The following TTC28 variants were observed in gnomAD, a reference collection of about 807,000 sequenced individuals.
TTC28 encodes the protein tetratricopeptide repeat domain 28, also known as tetratricopeptide repeat protein 28.
TTC28 carries 61 observed loss-of-function variants against 198.0 expected under a neutral mutation model. That is an observed-to-expected ratio of 0.31 (90% CI 0.25 to 0.38). The LOEUF (loss-of-function observed/expected upper bound fraction) is 0.38, where lower values mean the gene tolerates loss of function less well. TTC28 is among the 10% of genes least tolerant of loss of function. The pLI is 1.00. For synonymous variants in TTC28, 1,171 were observed against 1,297.8 expected (o/e 0.90, Z 2.10); for missense variants, 2,678 against 3,164.0 (o/e 0.85, Z 3.69).
At chr22:28,083,660 AG>A (rs1401769527) in intron 12 of TTC28, among the ~76,000 whole-genome samples, 4 of 152,210 alleles carry the variant, frequency 2.6e-5, no homozygotes, top group Non-Finnish European at 4.4e-5. Context: ...GCCAGACAGC[AG>A]GTGCAGGACA....
intron 2 of TTC28, among the ~76,000 whole-genome samples, chr22:28,449,983 A>C (rs944156802): frequency 1.3e-5 from 2 of 152,174 alleles, no homozygotes; most frequent in African/African-American, 4.8e-5. Flanking sequence ...AGATCACAGA[A>C]AAAAATGTTG....
intron 2 of TTC28, among the ~76,000 whole-genome samples, chr22:28,376,829 C>T (rs1534884): frequency 0.14 from 21,148 of 152,118 alleles, 1,830 homozygotes; most frequent in East Asian, 0.37. Flanking sequence ...CCCGACCTGA[C>T]GTCTTCAGCT....
At chr22:27,993,786 C>T (rs1937499649) in intron 17 of TTC28, among the ~76,000 whole-genome samples, 1 of 152,134 alleles carries the variant, frequency 6.6e-6, no homozygotes, top group African/African-American at 2.4e-5. Flanking sequence ...CAACCCCTTC[C>T]ACACTCTCCG....
chr22:28,654,666 T>C (rs2051616205), intron 1 of TTC28, among the ~76,000 whole-genome samples: 2 of 152,188 alleles, frequency 1.3e-5, no homozygotes, highest in Non-Finnish European at 2.9e-5. Flanking sequence ...TTTCTTTCCC[T>C]TCCCTCACTG....
At chr22:28,236,521 T>C (rs1211887163) in intron 5 of TTC28, among the ~76,000 whole-genome samples, 2 of 152,156 alleles carry the variant, frequency 1.3e-5, no homozygotes, top group African/African-American at 4.8e-5. Context: ...TGGTAATAGG[T>C]GGCATACAGT....
intron 2 of TTC28, among the ~76,000 whole-genome samples, chr22:28,460,652 TAGATAGATAGATAG>T (rs2047936632): frequency 8.2e-6 from 1 of 121,484 alleles, no homozygotes; most frequent in African/African-American, 3.1e-5. Context: ...GATAGATAGA[TAGATAGATAGATAG>T]ACAGACAGAC....
chr22:28,675,633 G>C (rs541162563), intron 1 of TTC28, among the ~76,000 whole-genome samples: 1 of 151,286 alleles, frequency 6.6e-6, no homozygotes, highest in Non-Finnish European at 1.5e-5. Context: ...ACCTGCTCAG[G>C]AGGCTCAGGT....
intron 2 of TTC28, among the ~76,000 whole-genome samples, chr22:28,540,725 T>C (rs2030075542): frequency 6.6e-6 from 1 of 152,210 alleles, no homozygotes; most frequent in African/African-American, 2.4e-5. Flanking sequence ...TTCAGTATCA[T>C]TTATAGATTA....
intron 2 of TTC28, among the ~76,000 whole-genome samples, chr22:28,518,633 A>C (rs1302357388): frequency 6.6e-6 from 1 of 152,206 alleles, no homozygotes; most frequent in Non-Finnish European, 1.5e-5. Flanking sequence ...GAATTACTAT[A>C]TAAGGCTAAA....
chr22:28,293,868 A>T (rs1004027279), intron 5 of TTC28, among the ~76,000 whole-genome samples: 2 of 152,186 alleles, frequency 1.3e-5, no homozygotes, highest in African/African-American at 2.4e-5. Flanking sequence ...AGCATGGGCT[A>T]AACAGGAGGA....
chr22:28,028,944 G>T (rs78301408), intron 13 of TTC28: 10,123 of 470,036 alleles, frequency 0.022, 137 homozygotes, highest in Non-Finnish European at 0.028. Context: ...CCTACAGCTT[G>T]TGAGTGGCAA....
chr22:28,572,215 C>T (rs947214885), intron 2 of TTC28, among the ~76,000 whole-genome samples: 4 of 150,468 alleles, frequency 2.7e-5, no homozygotes, highest in South Asian at 2.1e-4. Context: ...TGGTGGTGCA[C>T]GACAAAGTCC....
At chr22:28,347,523 G>T (rs185536750) in intron 2 of TTC28, among the ~76,000 whole-genome samples, 1 of 152,140 alleles carries the variant, frequency 6.6e-6, no homozygotes, top group Non-Finnish European at 1.5e-5. Context: ...AGATCACCGC[G>T]TTTACACCTA....
chr22:28,511,177 C>G (rs567069958), intron 2 of TTC28, among the ~76,000 whole-genome samples: 1 of 152,136 alleles, frequency 6.6e-6, no homozygotes, highest in South Asian at 2.1e-4. Flanking sequence ...CATATGGAAC[C>G]AAAAGGGAGC....
At chr22:28,376,951 C>G (rs185417678) in intron 2 of TTC28, among the ~76,000 whole-genome samples, 1 of 152,092 alleles carries the variant, frequency 6.6e-6, no homozygotes, top group East Asian at 1.9e-4. Context: ...GAATGGTCTT[C>G]TCACAAGCCA....
At chr22:28,600,379 C>T (rs943844392) in intron 2 of TTC28, among the ~76,000 whole-genome samples, 2 of 151,904 alleles carry the variant, frequency 1.3e-5, no homozygotes, top group African/African-American at 2.4e-5. Context: ...CACTCTAGCC[C>T]GGGCAACAAA....
At chr22:28,609,298 C>T (rs557063715) in intron 2 of TTC28, among the ~76,000 whole-genome samples, 8 of 152,214 alleles carry the variant, frequency 5.3e-5, no homozygotes, top group Admixed American at 5.2e-4. Context: ...GGCAAGATGG[C>T]CAAATAGGAA....
intron 6 of TTC28, among the ~76,000 whole-genome samples, chr22:28,114,394 A>G (rs1942575325): frequency 6.6e-6 from 1 of 152,184 alleles, no homozygotes; most frequent in South Asian, 2.1e-4. Context: ...GAGAGTGAGG[A>G]GGAGGTGACA....
intron 5 of TTC28, among the ~76,000 whole-genome samples, chr22:28,196,232 A>G (rs1201249664): frequency 2.0e-5 from 3 of 152,140 alleles, no homozygotes; most frequent in Non-Finnish European, 4.4e-5. Context: ...CTGGCTAGCC[A>G]TATGTAGAAA....
Sources: gnomAD v4.1 joint callset for allele counts (sites outside exome capture counted in the v4.1 genomes callset) on GRCh38, gnomAD v4.1.1 for gene constraint, MANE v1.5 for transcripts, NCBI Gene and HGNC (gene_info 2026-07-23, HGNC 2026-07-21) for gene names.